The following CLCNKB variants were observed in gnomAD, a reference collection of about 807,000 sequenced individuals.
CLCNKB encodes the protein chloride voltage-gated channel Kb.
A neutral mutation model predicts 83.8 loss-of-function variants in CLCNKB; 74 were observed. That is an observed-to-expected ratio of 0.88 (90% confidence interval 0.73 to 1.07). CLCNKB has a LOEUF of 1.07. Ranked by LOEUF, CLCNKB falls within the 50% of genes least tolerant of loss-of-function variation. CLCNKB has a pLI of 0.00. For synonymous variants in CLCNKB, 358 were observed against 356.6 expected (o/e 1.00, Z -0.04); for missense variants, 798 against 893.6 (o/e 0.89, Z 1.36).
Position 16,044,551 on chromosome 1 carries a change from A to G in CLCNKB, c.59A>G (p.Glu20Gly). The change falls in exon 2 of 20, where the codon GAG becomes GGG. Residue 20 changes from glutamate (E) to glycine (G), a missense_variant. Physicochemically the swap from Glu to Gly is moderately conservative, Grantham distance 98. Coordinates refer to ENST00000375679, the MANE Select transcript of CLCNKB (RefSeq NM_000085.5). ...GSSGNPVTLQ[E>G]LWGPCPRIRR... ...TCAGGGAACCCTGTGACTCTGCAGG[A>G]GCTGTGGGGCCCCTGTCCCCGCATC... is the stretch of plus-strand genomic sequence containing the variant. 1 of 1,606,802 alleles carries G rather than the reference A, an allele frequency of 6.2e-7. No individual in the cohort carries two copies. Among genetic ancestry groups the G allele is most frequent in the African/African-American group, 1.3e-5 (1 of 74,968 alleles).
At chr1:16,055,586 G>A in intron 17 of CLCNKB, 63 bp downstream of exon 17, 1 of 1,565,496 alleles carries the variant, frequency 6.4e-7, no homozygotes, top group Non-Finnish European at 8.8e-7. Context: ...GGGAGGAGAG[G>A]GGCCCGCTGA....
At chr1:16,045,725 A>T in intron 3 of CLCNKB, 39 bp downstream of exon 3, 6 of 1,402,072 alleles carry the variant, frequency 4.3e-6, no homozygotes, top group Non-Finnish European at 5.7e-6. Context: ...GGGCCAAGGG[A>T]TTCTGAGCTC....
intron 8 of CLCNKB, 43 bp downstream of exon 8, chr1:16,049,288 CG>C: frequency 1.9e-6 from 3 of 1,609,460 alleles, no homozygotes; most frequent in Non-Finnish European, 2.5e-6. Flanking sequence ...GCCTGGGGGC[CG>C]GGGCGAGGGG....
rs565973775 is a variant in CLCNKB at position 16,052,057 on chromosome 1, G to A, written c.1409-141G>A. ...TATCCCTCTCCTCTCACCAAGCCCA[G>A]GCACTGGGCACTTCCCACAGTGCCC... On this transcript the variant is annotated intron_variant, in intron 14 of 19. Transcript: ENST00000375679. 1,246 of 1,142,758 alleles carry A rather than the reference G, an allele frequency of 1.1e-3. 2 individuals carry two copies. Among genetic ancestry groups the A allele is most frequent in the Non-Finnish European group, 1.5e-3 (1,163 of 782,072 alleles). The allele number at this position is 1,142,758 out of a possible 1,614,324, so 70.8% of individuals were successfully genotyped here.
At position 16,044,506 on chromosome 1, in the gene CLCNKB, T is replaced by TG. The variant is rs953686324; in HGVS notation, c.18dup (p.Leu7AlafsTer3). On this transcript the variant is annotated frameshift_variant, in exon 2 of 20. Transcript: ENST00000375679. LOFTEE classifies it high-confidence loss of function. Reference sequence around the variant, plus strand: ...TCCAGGGGCCTGATGGAGGAGTTTGTGGGGCTGCGTGAAGGCTCCTCAGGG... The same window carrying TG: ...TCCAGGGGCCTGATGGAGGAGTTTGTGGGGGCTGCGTGAAGGCTCCTCAGGG... 9 of 1,603,718 alleles carry TG rather than the reference T, an allele frequency of 5.6e-6. No homozygotes were observed. The African/African-American group carries it at 1.2e-4, about 21-fold the overall frequency.
At chr1:16,056,314 A>C (rs1188359030) in intron 18 of CLCNKB, 108 bp from the exon 19 acceptor site, 1 of 1,130,522 alleles carries the variant, frequency 8.8e-7, no homozygotes, top group Non-Finnish European at 1.3e-6. Flanking sequence ...TGTCTCCCAC[A>C]CACATCAGGC....
chr1:16,048,261 T>C (rs1404090289), intron 5 of CLCNKB, 82 bp from the exon 6 acceptor site: 5 of 1,546,840 alleles, frequency 3.2e-6, no homozygotes, highest in Non-Finnish European at 4.4e-6. Flanking sequence ...GGAGGGGGTG[T>C]TGGGGGGAAG....
chr1:16,055,561 T>C, intron 17 of CLCNKB, 38 bp downstream of exon 17: 3 of 1,187,660 alleles, frequency 2.5e-6, no homozygotes, highest in Non-Finnish European at 3.7e-6. Flanking sequence ...GGGGCGGGGG[T>C]GGGTCAGCAG....
chr1:16,050,464 T>C lies in CLCNKB; in HGVS notation c.969-52T>C, dbSNP rs572225114. The C allele has an allele frequency of 7.6e-5, 121 of 1,583,752 alleles. 1 individual carries two copies. In the South Asian group the frequency reaches 1.1e-3, roughly 15 times the overall value. On this transcript the variant is annotated intron_variant, in intron 10 of 19. Transcript: ENST00000375679. Reference sequence around the variant, plus strand: ...CTTGCTAGGCCCTGCTTCCCTCTCCTTGGGATGTGGGAAAGGGAGGGCCAG... The same window carrying C: ...CTTGCTAGGCCCTGCTTCCCTCTCCCTGGGATGTGGGAAAGGGAGGGCCAG...
intron 18 of CLCNKB, 47 bp downstream of exon 18, chr1:16,055,805 G>A: frequency 6.4e-7 from 1 of 1,567,330 alleles, no homozygotes; most frequent in African/African-American, 1.3e-5. Context: ...CTCTGGGTGG[G>A]GGAAGAGCTG....
At chr1:16,044,637 G>C in intron 2 of CLCNKB, 45 bp downstream of exon 2, 1 of 1,492,028 alleles carries the variant, frequency 6.7e-7, no homozygotes, top group Non-Finnish European at 9.2e-7. Flanking sequence ...GACCACTCAG[G>C]ACATCATTCC....
intron 5 of CLCNKB, 138 bp from the exon 6 acceptor site, chr1:16,048,205 G>C (rs2023161034): frequency 1.4e-6 from 2 of 1,445,118 alleles, no homozygotes; most frequent in Admixed American, 3.9e-5. Context: ...TCCCCGGAGT[G>C]TGACAAAAGC....
At chr1:16,048,708 C>T in intron 7 of CLCNKB, 126 bp downstream of exon 7, 1 of 1,508,838 alleles carries the variant, frequency 6.6e-7, no homozygotes, top group Non-Finnish European at 8.9e-7. Flanking sequence ...ACTTCAGCCC[C>T]GCCTTGGGCA....
intron 15 of CLCNKB, 150 bp downstream of exon 15, chr1:16,052,561 A>G: frequency 1.7e-6 from 2 of 1,161,624 alleles, no homozygotes; most frequent in South Asian, 2.6e-5. Flanking sequence ...CACTCTCCCC[A>G]GTGCCCCGGG....
At chr1:16,047,594 A>T (rs2023138699) in intron 4 of CLCNKB, among the ~76,000 whole-genome samples, 2 of 152,056 alleles carry the variant, frequency 1.3e-5, no homozygotes, top group African/African-American at 2.4e-5. Flanking sequence ...CGGGCAACAT[A>T]GCTAGACTCC....
rs752394800 is a variant in CLCNKB, at chr1:16,052,427, C to G, written c.1622+16C>G. On this transcript the variant is annotated intron_variant, in intron 15 of 19. Coordinates refer to ENST00000375679, the MANE Select transcript of CLCNKB (RefSeq NM_000085.5). ...GCAACATCGGGTGAGTGGTGCCCAC[C>G]TCAGGCTGACTGAAGGGGGTCACAG... 2.5e-6 allele frequency: 4 copies of G among 1,610,796 alleles called. No individual in the cohort carries two copies. Among genetic ancestry groups the G allele is most frequent in the Non-Finnish European group, 3.4e-6 (4 of 1,179,422 alleles).
rs2023091607 is a variant in CLCNKB, at chr1:16,046,049, C to T, written c.229+363C>T. On this transcript the variant is annotated intron_variant, in intron 3 of 19. Transcript: ENST00000375679. ...GCTTGGTGCTTCCTCCCCATCCCAC[C>T]CCATCCCTCAGCAGCCTGCCTCCAC... Among the ~76,000 whole-genome samples, 4 of 152,346 alleles carry T rather than the reference C, an allele frequency of 2.6e-5. No homozygotes were observed. In the Middle Eastern group the frequency reaches 0.01, roughly 389 times the overall value.
At position 16,053,773 on chromosome 1, in the gene CLCNKB, G is replaced by A; in HGVS notation, c.1756+1G>A. ...AAGTATCCCCTGGTGGAGAGCACAGGTGCCCAGCCGGAAGGGAGGAGGAAG... is the reference window on the plus strand; with the variant it reads ...AAGTATCCCCTGGTGGAGAGCACAGATGCCCAGCCGGAAGGGAGGAGGAAG... On this transcript the variant is annotated splice_donor_variant, in intron 16 of 19. Coordinates refer to ENST00000375679, the MANE Select transcript of CLCNKB (RefSeq NM_000085.5). LOFTEE classifies it high-confidence loss of function. The A allele has an allele frequency of 6.2e-7, 1 of 1,613,768 alleles. No individual in the cohort carries two copies. Among genetic ancestry groups the A allele is most frequent in the Non-Finnish European group, 8.5e-7 (1 of 1,179,954 alleles).
In CLCNKB at chr1:16,049,935, G is replaced by T; in HGVS notation, c.968+19G>T. 6 of 1,384,078 alleles carry T rather than the reference G, an allele frequency of 4.3e-6. No individual in the cohort carries two copies. Among genetic ancestry groups the T allele is most frequent in the Non-Finnish European group, 5.7e-6 (6 of 1,044,212 alleles). The allele number at this position is 1,384,078 out of a possible 1,614,324, so 85.7% of individuals were successfully genotyped here. A position where few individuals can be genotyped will look rare whatever the true frequency, so the allele number is the denominator to read the frequency against. On this transcript the variant is annotated intron_variant, in intron 10 of 19. Coordinates refer to ENST00000375679, the MANE Select transcript of CLCNKB (RefSeq NM_000085.5). ...CCACCAGGTAGGCTCCGGGCTAAGG[G>T]CTGGGGACCTCTCAGCGAGCTCCCC...
Sources: gnomAD v4.1 joint callset for allele counts (sites outside exome capture counted in the v4.1 genomes callset) on GRCh38, gnomAD v4.1.1 for gene constraint, MANE v1.5 for transcripts, NCBI Gene and HGNC (gene_info 2026-07-23, HGNC 2026-07-21) for gene names.